The following ZNRF2 variants were observed in gnomAD, a reference collection of about 807,000 sequenced individuals.
ZNRF2 encodes the protein E3 ubiquitin-protein ligase ZNRF2.
A neutral mutation model predicts 20.4 loss-of-function variants in ZNRF2; 16 were observed. The ratio of observed to expected loss-of-function variants is 0.79; its 90% CI spans 0.53 to 1.19. The LOEUF (loss-of-function observed/expected upper bound fraction) is 1.19, where lower values mean the gene tolerates loss of function less well. Ranked by LOEUF, ZNRF2 falls within the 50% of genes most tolerant of loss-of-function variation. The probability of loss-of-function intolerance (pLI) is 0.00; values close to 1 mark genes in which losing one functional copy is unlikely to be tolerated. For synonymous variants in ZNRF2, 178 were observed against 144.9 expected (o/e 1.23, Z -1.64); for missense variants, 363 against 332.4 (o/e 1.09, Z -0.72).
chr7:30,347,883 A>C (rs1799901760), intron 2 of ZNRF2, among the ~76,000 whole-genome samples: 1 of 152,200 alleles, frequency 6.6e-6, no homozygotes, highest in African/African-American at 2.4e-5. Flanking sequence ...GGATCAAGAA[A>C]GATTTCTCAG....
chr7:30,358,921 T>G (rs1479967316), intron 3 of ZNRF2, among the ~76,000 whole-genome samples: 1 of 152,152 alleles, frequency 6.6e-6, no homozygotes, highest in Non-Finnish European at 1.5e-5. Context: ...TAGAAACAAC[T>G]TCATAGAGTA....
At chr7:30,301,928 C>G (rs1338640447) in intron 1 of ZNRF2, among the ~76,000 whole-genome samples, 2 of 152,202 alleles carry the variant, frequency 1.3e-5, no homozygotes, top group South Asian at 2.1e-4. Flanking sequence ...GGGAAGGAGG[C>G]TGCTTCACTG....
At chr7:30,338,882 A>G (rs1254325169) in intron 2 of ZNRF2, among the ~76,000 whole-genome samples, 1 of 152,038 alleles carries the variant, frequency 6.6e-6, no homozygotes, top group African/African-American at 2.4e-5. Flanking sequence ...ACTAATTTAC[A>G]CTCCCACCAA....
rs1798762573 is a variant in ZNRF2 at position 30,285,550 on chromosome 7, G to GCCGCGGCGGCCGCGGCGGCCCCGGCAGCC, written c.197_225dup (p.Ala76ArgfsTer77). ...GCACCAGCCCAGCGCCTCCGGCGGC[G>GCCGCGGCGGCCGCGGCGGCCCCGGCAGCC]CCGCGGCGGCCGCGGCGGCCCCGGC... On this transcript the variant is annotated frameshift_variant, in exon 1 of 5. Coordinates refer to ENST00000323037, the MANE Select transcript of ZNRF2 (RefSeq NM_147128.4). LOFTEE classifies it high-confidence loss of function. The GCCGCGGCGGCCGCGGCGGCCCCGGCAGCC allele has an allele frequency of 2.1e-6, 2 of 969,576 alleles. No individual in the cohort carries two copies. Among genetic ancestry groups the GCCGCGGCGGCCGCGGCGGCCCCGGCAGCC allele is most frequent in the African/African-American group, 3.7e-5 (2 of 54,384 alleles). 60.1% of individuals were successfully genotyped at this position (969,576 alleles called of 1,614,324 possible). A position where few individuals can be genotyped will look rare whatever the true frequency, so the allele number is the denominator to read the frequency against.
At chr7:30,305,614 A>G (rs1391102654) in intron 1 of ZNRF2, among the ~76,000 whole-genome samples, 2 of 152,106 alleles carry the variant, frequency 1.3e-5, no homozygotes, top group East Asian at 1.9e-4. Flanking sequence ...CAAGGAGTAC[A>G]CTTTTTCAGT....
intron 3 of ZNRF2, among the ~76,000 whole-genome samples, chr7:30,361,587 C>A (rs1800127587): frequency 6.6e-6 from 1 of 152,186 alleles, no homozygotes; most frequent in African/African-American, 2.4e-5. Context: ...TTTCACCTAT[C>A]ATGGTACTGT....
chr7:30,332,052 T>C (rs1799642556), intron 2 of ZNRF2, among the ~76,000 whole-genome samples: 1 of 152,198 alleles, frequency 6.6e-6, no homozygotes, highest in Non-Finnish European at 1.5e-5. Context: ...TAGCACCAAT[T>C]TGTGTTTAAA....
chr7:30,319,645 A>G (rs1240978057), intron 1 of ZNRF2, among the ~76,000 whole-genome samples: 1 of 152,212 alleles, frequency 6.6e-6, no homozygotes, highest in Non-Finnish European at 1.5e-5. Flanking sequence ...GGGAATGATC[A>G]AGTTGACCTT....
chr7:30,340,903 C>G (rs1215909115), intron 2 of ZNRF2, among the ~76,000 whole-genome samples: 1 of 152,124 alleles, frequency 6.6e-6, no homozygotes, highest in Non-Finnish European at 1.5e-5. Context: ...CTATTAATTA[C>G]TGCCTCAATT....
intron 4 of ZNRF2, among the ~76,000 whole-genome samples, chr7:30,365,751 GA>G (rs1437061522): frequency 6.6e-6 from 1 of 152,138 alleles, no homozygotes; most frequent in African/African-American, 2.4e-5. Flanking sequence ...TTGTGGTCTT[GA>G]TTAGTTAGAA....
intron 2 of ZNRF2, among the ~76,000 whole-genome samples, chr7:30,349,334 A>T (rs1039571748): frequency 1.3e-5 from 2 of 152,206 alleles, no homozygotes; most frequent in African/African-American, 2.4e-5. Context: ...CTTCACAAGG[A>T]TCCTAAGAGA....
intron 2 of ZNRF2, among the ~76,000 whole-genome samples, chr7:30,355,413 G>A (rs1223372481): frequency 6.6e-6 from 1 of 151,960 alleles, no homozygotes; most frequent in African/African-American, 2.4e-5. Flanking sequence ...TAAATTCATG[G>A]TACAAATAAC....
chr7:30,311,840 G>T (rs1306836704), intron 1 of ZNRF2, among the ~76,000 whole-genome samples: 1 of 152,128 alleles, frequency 6.6e-6, no homozygotes, highest in African/African-American at 2.4e-5. Flanking sequence ...TTACAGTCAG[G>T]TGCCCAACTG....
Position 30,354,994 on chromosome 7 carries a change from A to G in ZNRF2, c.566-734A>G, listed in dbSNP as rs183994569. Among the ~76,000 whole-genome samples the G allele has an allele frequency of 2.4e-4, 36 of 152,312 alleles. 1 individual carries two copies. The highest frequency in any genetic ancestry group is 3.4e-3 in the Middle Eastern group (1 of 294). ...AGAACCTTAACATTTTTTCAAAAGG[A>G]ACATTTGCATTATAAAGAGATTTAC... is the stretch of plus-strand genomic sequence containing the variant. On this transcript the variant is annotated intron_variant, in intron 2 of 4. Transcript: ENST00000323037.
chr7:30,338,710 A>G (rs575933145), intron 2 of ZNRF2, among the ~76,000 whole-genome samples: 12 of 152,192 alleles, frequency 7.9e-5, no homozygotes, highest in African/African-American at 2.6e-4. Flanking sequence ...AGTCTTTGCT[A>G]TTGTGAACAG....
In ZNRF2 at chr7:30,323,493, A is replaced by T. The variant is rs1031988187; in HGVS notation, c.470-149A>T. On this transcript the variant is annotated intron_variant, in intron 1 of 4. Transcript: ENST00000323037. ...CAAAAGTCAGATATTATAATCACAA[A>T]ATTTTCCTGACTTGAGTTGCACATA... 9.6e-5 allele frequency: 45 copies of T among 468,614 alleles called. No homozygotes were observed. The Middle Eastern group carries it at 1.6e-3, about 17-fold the overall frequency. 29.0% of individuals were successfully genotyped at this position (468,614 alleles called of 1,614,324 possible).
intron 3 of ZNRF2, among the ~76,000 whole-genome samples, chr7:30,361,334 G>A (rs954946114): frequency 6.6e-6 from 1 of 152,202 alleles, no homozygotes; most frequent in Admixed American, 6.5e-5. Context: ...ACCTGTTGAT[G>A]TGGTACTCTA....
At chr7:30,335,667 T>C (rs746785914) in intron 2 of ZNRF2, among the ~76,000 whole-genome samples, 1 of 152,072 alleles carries the variant, frequency 6.6e-6, no homozygotes, top group Non-Finnish European at 1.5e-5. Flanking sequence ...TAGAGATAAC[T>C]AGGCAGGGTG....
intron 1 of ZNRF2, among the ~76,000 whole-genome samples, chr7:30,287,323 CATT>C (rs1798809859): frequency 6.6e-6 from 1 of 152,140 alleles, no homozygotes; most frequent in Non-Finnish European, 1.5e-5. Flanking sequence ...TAATGTTTAT[CATT>C]ATCTTTTTAA....
Sources: gnomAD v4.1 joint callset for allele counts (sites outside exome capture counted in the v4.1 genomes callset) on GRCh38, gnomAD v4.1.1 for gene constraint, MANE v1.5 for transcripts, NCBI Gene and HGNC (gene_info 2026-07-23, HGNC 2026-07-21) for gene names.